Variants in RAP1GAP observed in about 807,000 individuals in gnomAD.
RAP1GAP encodes RAP1 GTPase activating protein, also known as rap1 GTPase-activating protein 1.
RAP1GAP carries 35 observed loss-of-function variants against 87.2 expected under a neutral mutation model. That is an observed-to-expected ratio of 0.40 (90% CI 0.31 to 0.53). The LOEUF (loss-of-function observed/expected upper bound fraction) is 0.53, where lower values mean the gene tolerates loss of function less well. RAP1GAP is among the 20% of genes least tolerant of loss of function. The pLI is 0.48. For missense variants in RAP1GAP, 734 were observed against 898.9 expected (o/e 0.82, Z 2.35); for synonymous variants, 375 against 363.9 (o/e 1.03, Z -0.35).
chr1:21,637,640 C>T (rs1358889466), intron 2 of RAP1GAP, among the ~76,000 whole-genome samples: 1 of 152,062 alleles, frequency 6.6e-6, no homozygotes, highest in Non-Finnish European at 1.5e-5. Flanking sequence ...GGGTTTGCAA[C>T]CGCAAACATC....
Position 21,613,282 on chromosome 1 carries a change from A to C in RAP1GAP, c.475-53T>G. 2.7e-6 allele frequency: 4 copies of C among 1,455,708 alleles called. No homozygotes were observed. The highest frequency in any genetic ancestry group is 3.9e-6 in the Non-Finnish European group (4 of 1,036,348). The allele number at this position is 1,455,708 out of a possible 1,614,324, so 90.2% of individuals were successfully genotyped here. On this transcript the variant is annotated intron_variant, in intron 9 of 24. Transcript: ENST00000374765. The surrounding 1 kb of genome is among the most constrained non-coding windows in gnomAD (Gnocchi z 4.7). ...GAGGTGTGGGGCCAGGGAGGAGAGGATGGGGCTGCCTGGGCCTCCCTGGTC... is the reference window on the plus strand; with the variant it reads ...GAGGTGTGGGGCCAGGGAGGAGAGGCTGGGGCTGCCTGGGCCTCCCTGGTC...
intron 6 of RAP1GAP, 39 bp from the exon 7 acceptor site, chr1:21,617,530 C>T (rs1466899393): frequency 6.4e-7 from 1 of 1,554,488 alleles, no homozygotes; most frequent in East Asian, 2.4e-5. Flanking sequence ...CCACACTGTA[C>T]CCCACTGGGC....
At chr1:21,627,465 C>T (rs560952929) in intron 2 of RAP1GAP, among the ~76,000 whole-genome samples, 2 of 143,040 alleles carry the variant, frequency 1.4e-5, no homozygotes, top group Admixed American at 7.2e-5. Flanking sequence ...CCCAGGCTGG[C>T]GTGCAAATGG....
At position 21,634,723 on chromosome 1, in the gene RAP1GAP, C is replaced by A. The variant is rs765669261; in HGVS notation, c.-112-8326G>T. ...GAGGTGGTCACGGGACCGGTCCCTG[C>A]CCAGGGCACAGCATCTGGGAACCAG... On this transcript the variant is annotated intron_variant, in intron 2 of 24. Transcript: ENST00000374765. The surrounding 1 kb of genome is among the most constrained non-coding windows in gnomAD (Gnocchi z 4.1). 2.2e-6 allele frequency: 1 copy of A among 452,378 alleles called. No individual in the cohort carries two copies. Among genetic ancestry groups the A allele is most frequent in the South Asian group, 1.6e-5 (1 of 62,494 alleles). 28.0% of individuals were successfully genotyped at this position (452,378 alleles called of 1,614,324 possible).
chr1:21,628,112 CTGAA>C (rs1046019854), intron 2 of RAP1GAP, among the ~76,000 whole-genome samples: 19 of 152,118 alleles, frequency 1.2e-4, no homozygotes, highest in African/African-American at 4.3e-4. Flanking sequence ...TGTTGAATGA[CTGAA>C]TGAATGAATG....
At chr1:21,604,044 G>C in intron 18 of RAP1GAP, 2 of 738,878 alleles carry the variant, frequency 2.7e-6, no homozygotes, top group South Asian at 1.9e-5. Flanking sequence ...GAAAAAGGAA[G>C]AGAACGGTGC....
chr1:21,641,836 C>T (rs530545651), intron 2 of RAP1GAP, among the ~76,000 whole-genome samples: 2 of 152,314 alleles, frequency 1.3e-5, no homozygotes, highest in East Asian at 3.9e-4. Context: ...TCACAGCCAA[C>T]CTTCCCATTT....
At chr1:21,611,876 C>T in intron 11 of RAP1GAP, 60 bp from the exon 12 acceptor site, 1 of 1,542,784 alleles carries the variant, frequency 6.5e-7, no homozygotes, top group Non-Finnish European at 9.0e-7. Context: ...TGCCCTCTGT[C>T]CCTACTTGGA....
Position 21,610,206 on chromosome 1 carries a change from C to T in RAP1GAP, c.913G>A (p.Val305Met), listed in dbSNP as rs1451732157. The change falls in exon 14 of 25, where the codon GTG becomes ATG. Residue 305 changes from valine to methionine, a missense_variant. Transcript: ENST00000374765. ...VVFQDENTPFVPDMIASNFLH... is the reference protein window; with the variant it reads ...VVFQDENTPFMPDMIASNFLH... ...AAGTTGGACGCGATCATGTCGGGCA[C>T]GAAAGGAGTGTTCTCATCCTGGAAG... 6 of 1,614,156 alleles carry T rather than the reference C, an allele frequency of 3.7e-6. No individual in the cohort carries two copies. The highest frequency in any genetic ancestry group is 3.3e-5 in the South Asian group (3 of 91,084).
Position 21,622,042 on chromosome 1 carries a change from C to T in RAP1GAP, c.-18-1992G>A, listed in dbSNP as rs2088186233. Among the ~76,000 whole-genome samples, 7 of 152,308 alleles carry T rather than the reference C, an allele frequency of 4.6e-5. No individual in the cohort carries two copies. The South Asian group carries it at 1.4e-3, about 32-fold the overall frequency. ...TGGCCCTGGAGCATTCAGAGCCCCC[C>T]AAACGGGGCAGGGGCAGGGTAAAGT... On this transcript the variant is annotated intron_variant, in intron 3 of 24. Coordinates refer to ENST00000374765, the MANE Select transcript of RAP1GAP (RefSeq NM_002885.4). This position sits in a 1 kb window ranked among gnomAD's most constrained non-coding sequence, Gnocchi z 5.7.
intron 1 of RAP1GAP, among the ~76,000 whole-genome samples, chr1:21,650,110 C>T (rs948673647): frequency 6.6e-6 from 1 of 151,890 alleles, no homozygotes; most frequent in Non-Finnish European, 1.5e-5. Context: ...ACTACAGCAG[C>T]TTGGATCATG....
At chr1:21,618,902 T>C in intron 5 of RAP1GAP, 123 bp downstream of exon 5, 1 of 1,138,560 alleles carries the variant, frequency 8.8e-7, no homozygotes, top group Non-Finnish European at 1.3e-6. Flanking sequence ...CCCCCGCACC[T>C]GGCACACTGT....
intron 2 of RAP1GAP, among the ~76,000 whole-genome samples, chr1:21,648,430 A>C (rs184176747): frequency 6.6e-6 from 1 of 152,326 alleles, no homozygotes; most frequent in African/African-American, 2.4e-5. Context: ...CTGGAAGATC[A>C]AGGTTCAAAT....
At chr1:21,598,105 G>T in intron 22 of RAP1GAP, 41 bp from the exon 23 acceptor site, 2 of 1,339,178 alleles carry the variant, frequency 1.5e-6, no homozygotes, top group South Asian at 1.4e-5. Context: ...ACTGGCCGCG[G>T]GGAGGCACCA....
intron 22 of RAP1GAP, 117 bp from the exon 23 acceptor site, chr1:21,598,181 C>T (rs1433018219): frequency 4.1e-5 from 32 of 782,392 alleles, no homozygotes; most frequent in Non-Finnish European, 6.5e-5. Flanking sequence ...AACTTTCTTC[C>T]TTGCCATCCC....
At chr1:21,628,752 G>C (rs944110926) in intron 2 of RAP1GAP, among the ~76,000 whole-genome samples, 4 of 152,136 alleles carry the variant, frequency 2.6e-5, no homozygotes, top group African/African-American at 9.7e-5. Flanking sequence ...GCTGGGCACA[G>C]TGGTGGGCAC....
chr1:21,611,661 C>A, intron 12 of RAP1GAP, 55 bp downstream of exon 12: 2 of 1,612,956 alleles, frequency 1.2e-6, no homozygotes, highest in Non-Finnish European at 1.7e-6. Flanking sequence ...GGGCTCCCTC[C>A]CTGCCCAGGA....
At chr1:21,635,972 G>C (rs1239453824) in intron 2 of RAP1GAP, among the ~76,000 whole-genome samples, 2 of 152,250 alleles carry the variant, frequency 1.3e-5, no homozygotes, top group Non-Finnish European at 2.9e-5. Context: ...AACCCTGAAG[G>C]AGGGCTTTCC....
intron 12 of RAP1GAP, 35 bp downstream of exon 12, chr1:21,611,681 A>G (rs369435504): frequency 6.2e-7 from 1 of 1,612,382 alleles, no homozygotes; most frequent in South Asian, 1.1e-5. Flanking sequence ...AGCACAAGTC[A>G]GATTACACTC....
Sources: gnomAD v4.1 joint callset for allele counts (sites outside exome capture counted in the v4.1 genomes callset) on GRCh38, gnomAD v4.1.1 for gene constraint, Gnocchi (gnomAD v3.1) non-coding constraint, MANE v1.5 for transcripts, NCBI Gene and HGNC (gene_info 2026-07-23, HGNC 2026-07-21) for gene names.